TENM3: variants seen among roughly 807,000 people sequenced by gnomAD.
The protein encoded by TENM3 is teneurin transmembrane protein 3.
A neutral mutation model predicts 255.1 loss-of-function variants in TENM3; 63 were observed. The ratio of observed to expected loss-of-function variants is 0.25; its 90% CI spans 0.20 to 0.30. The LOEUF (loss-of-function observed/expected upper bound fraction) is 0.30, where lower values mean the gene tolerates loss of function less well. TENM3 is among the 10% of genes least tolerant of loss of function. The pLI, the probability that TENM3 is intolerant of heterozygous loss-of-function variation, is 1.00. For synonymous variants in TENM3, 1,306 were observed against 1,322.3 expected (o/e 0.99, Z 0.27); for missense variants, 2,929 against 3,461.1 (o/e 0.85, Z 3.86).
chr4:182,751,665 CTAT>C (rs1762379951), intron 19 of TENM3, 132 bp from the exon 20 acceptor site: 2 of 653,934 alleles, frequency 3.1e-6, no homozygotes, highest in African/African-American at 3.6e-5. Flanking sequence ...ATAGACAGTA[CTAT>C]TCATGTCTAA....
At chr4:181,648,144 A>C in the TENM3 span, among the ~76,000 whole-genome samples, 1 of 152,184 alleles carries the variant, frequency 6.6e-6, no homozygotes, top group African/African-American at 2.4e-5. Flanking sequence ...TATTGGAGAC[A>C]GGGTAGCAGA....
chr4:181,939,265 T>C, the TENM3 span, among the ~76,000 whole-genome samples: 1 of 152,280 alleles, frequency 6.6e-6, no homozygotes, highest in African/African-American at 2.4e-5. Flanking sequence ...GGAAGGAAGG[T>C]ATGTGTCTCT....
the TENM3 span, among the ~76,000 whole-genome samples, chr4:181,594,618 C>A: frequency 1.3e-5 from 2 of 152,178 alleles, no homozygotes; most frequent in South Asian, 4.1e-4. Flanking sequence ...CCCATCTATG[C>A]TCTATTTAAG....
At chr4:182,027,356 A>T in the TENM3 span, among the ~76,000 whole-genome samples, 1 of 152,158 alleles carries the variant, frequency 6.6e-6, no homozygotes, top group Non-Finnish European at 1.5e-5. Context: ...TTTGTGTATC[A>T]GTTCTAATAG....
the TENM3 span, among the ~76,000 whole-genome samples, chr4:181,958,908 G>T: frequency 1.3e-5 from 2 of 152,110 alleles, no homozygotes; most frequent in Admixed American, 1.3e-4. Context: ...TTATGGGGGA[G>T]AATGTATATA....
intron 3 of TENM3, among the ~76,000 whole-genome samples, chr4:182,438,738 T>G (rs941547004): frequency 1.3e-5 from 2 of 152,208 alleles, no homozygotes; most frequent in African/African-American, 4.8e-5. Context: ...TTAGACTCTG[T>G]AGTTAAGGTG....
intron 3 of TENM3, among the ~76,000 whole-genome samples, chr4:182,581,102 G>T (rs1745452435): frequency 6.6e-6 from 1 of 152,102 alleles, no homozygotes; most frequent in Admixed American, 6.6e-5. Context: ...TCTAGAACAT[G>T]TGTAAGGTTA....
the TENM3 span, among the ~76,000 whole-genome samples, chr4:182,080,864 G>A: frequency 1.3e-5 from 2 of 152,198 alleles, no homozygotes; most frequent in South Asian, 2.1e-4. Flanking sequence ...AGCGACATGC[G>A]CTTGTTGTCC....
the TENM3 span, among the ~76,000 whole-genome samples, chr4:181,962,562 C>T: frequency 1.3e-5 from 2 of 152,154 alleles, no homozygotes; most frequent in Non-Finnish European, 1.5e-5. Context: ...GTTTTGGTGC[C>T]AAACAATATC....
At chr4:181,630,286 C>A in the TENM3 span, among the ~76,000 whole-genome samples, 1 of 151,856 alleles carries the variant, frequency 6.6e-6, no homozygotes, top group African/African-American at 2.4e-5. Context: ...TTCAAAAAAC[C>A]AGCTCCTGGA....
chr4:182,648,288 G>GT (rs11445381), intron 5 of TENM3, among the ~76,000 whole-genome samples: 75,466 of 146,366 alleles, frequency 0.52, 20,012 homozygotes, highest in East Asian at 0.66. Context: ...CTTTTAAGTT[G>GT]TTTTTTTTTT....
chr4:181,496,683 T>A, the TENM3 span, among the ~76,000 whole-genome samples: 3 of 152,222 alleles, frequency 2.0e-5, no homozygotes, highest in African/African-American at 7.2e-5. Flanking sequence ...ACATGCAATA[T>A]GCACGTGCCA....
chr4:182,545,349 T>C (rs1181771390), intron 3 of TENM3, among the ~76,000 whole-genome samples: 1 of 152,148 alleles, frequency 6.6e-6, no homozygotes, highest in Non-Finnish European at 1.5e-5. Context: ...CTATATTATA[T>C]CTTAAATATT....
the TENM3 span, among the ~76,000 whole-genome samples, chr4:181,543,339 G>T: frequency 5.3e-5 from 8 of 152,246 alleles, no homozygotes; most frequent in African/African-American, 1.7e-4. Flanking sequence ...TAAGGGGAGG[G>T]GAGGGGAAGA....
the TENM3 span, among the ~76,000 whole-genome samples, chr4:181,545,206 C>T: frequency 6.6e-6 from 1 of 152,114 alleles, no homozygotes; most frequent in South Asian, 2.1e-4. Context: ...TCCTAGGTTC[C>T]TTGTTGTGTG....
At chr4:181,605,491 AAAGAAAGAAAGAAAGAAAGAAAGAAAG>A in the TENM3 span, among the ~76,000 whole-genome samples, 4 of 7,978 alleles carry the variant, frequency 5.0e-4, no homozygotes, top group South Asian at 0.017. Context: ...AGAAAGAAAG[AAAGAAAGAAAGAAAGAAAGAAAGAAAG>A]AAAGAAAGAA....
At chr4:181,972,301 C>T in the TENM3 span, among the ~76,000 whole-genome samples, 1 of 151,706 alleles carries the variant, frequency 6.6e-6, no homozygotes, top group Non-Finnish European at 1.5e-5. Flanking sequence ...TGCCTGTAGT[C>T]CCAGCTACTT....
intron 2 of TENM3, among the ~76,000 whole-genome samples, chr4:182,341,325 A>G (rs2150622010): frequency 6.6e-6 from 1 of 152,344 alleles, no homozygotes; most frequent in East Asian, 1.9e-4. Flanking sequence ...TCCTTCATTT[A>G]CAACCTTTTC....
At chr4:181,814,549 G>A in the TENM3 span, among the ~76,000 whole-genome samples, 335 of 151,868 alleles carry the variant, frequency 2.2e-3, no homozygotes, top group African/African-American at 7.8e-3. Flanking sequence ...CCCCTCATAG[G>A]AAATAGACAA....
Sources: allele counts gnomAD v4.1 joint callset (sites outside exome capture counted in the v4.1 genomes callset), GRCh38; gene constraint gnomAD v4.1.1; transcripts MANE v1.5; gene names NCBI Gene and HGNC (gene_info 2026-07-23, HGNC 2026-07-21).